DIP2A: variants seen among roughly 807,000 people sequenced by gnomAD.
The protein encoded by DIP2A is disco-interacting protein 2 homolog A.
DIP2A carries 85 observed loss-of-function variants against 177.4 expected under a neutral mutation model. The observed-to-expected ratio is 0.48, with a 90% CI of 0.40 to 0.57. The LOEUF (loss-of-function observed/expected upper bound fraction) is 0.57. DIP2A is among the 20% of genes least tolerant of loss of function. The pLI, the probability that DIP2A is intolerant of heterozygous loss-of-function variation, is 0.00. For missense variants in DIP2A, 1,791 were observed against 2,100.2 expected, an observed-to-expected ratio of 0.85 and a Z score of 2.88; for synonymous variants, 886 against 881.8, an observed-to-expected ratio of 1.00 and a Z score of -0.08.
intron 1 of DIP2A, among the ~76,000 whole-genome samples, 175 bp downstream of exon 1, chr21:46,459,397 C>T (rs2054077626): frequency 6.8e-6 from 1 of 147,680 alleles, no homozygotes; most frequent in Non-Finnish European, 1.5e-5. Flanking sequence ...GACCCCGGTT[C>T]CTCTACCCTG....
rs994304580 is a variant in DIP2A at position 46,498,527 on chromosome 21, G to A, written c.404-55G>A. 3.2e-5 allele frequency: 49 copies of A among 1,554,570 alleles called. No homozygotes were observed. Among genetic ancestry groups the A allele is most frequent in the Admixed American group, 5.3e-5 (3 of 57,118 alleles). ...AGGCTCCAGTGTGAGTGGGAACTCC[G>A]TCCTCCTCTTGACTCATCCCGATAT... is the stretch of plus-strand genomic sequence containing the variant. On this transcript the variant is annotated intron_variant, in intron 4 of 37. Coordinates refer to ENST00000417564, the MANE Select transcript of DIP2A (RefSeq NM_015151.4). The surrounding 1 kb of genome is among the most constrained non-coding windows in gnomAD (Gnocchi z 4.3).
chr21:46,467,256 G>A (rs903706377), intron 1 of DIP2A, among the ~76,000 whole-genome samples: 5 of 141,120 alleles, frequency 3.5e-5, no homozygotes, highest in African/African-American at 8.0e-5. Context: ...ATATCGCACC[G>A]CTGCACTCCA....
In DIP2A at chr21:46,568,122, C is replaced by T. The variant is rs1476432685; in HGVS notation, c.*500C>T. 6.6e-6 allele frequency: 1 copy of T among 152,624 alleles called. No individual in the cohort carries two copies. The highest frequency in any genetic ancestry group is 1.5e-5 in the Non-Finnish European group (1 of 68,368). 9.5% of individuals were successfully genotyped at this position (152,624 alleles called of 1,614,324 possible). A position where few individuals can be genotyped will look rare whatever the true frequency, so the allele number is the denominator to read the frequency against. On this transcript the variant is annotated 3_prime_UTR_variant, in exon 38 of 38. Coordinates refer to ENST00000417564, the MANE Select transcript of DIP2A (RefSeq NM_015151.4). ...CAAACCAGCTGCCTCACTTCTGTTT[C>T]ACAGGGAGGCTGATGGAAAAAGGAA... is the stretch of plus-strand genomic sequence containing the variant.
chr21:46,551,893 C>A lies in DIP2A; in HGVS notation c.3019C>A (p.Leu1007Met). ...TTPDHPLFLLLNAKGTVTSTA... is the reference protein window; with the variant it reads ...TTPDHPLFLLMNAKGTVTSTA... ...TCCTGACCACCCGCTGTTCTTGCTGCTGAACGCCAAGGTGAGGCAGTGTCA... is the reference window on the plus strand; with the variant it reads ...TCCTGACCACCCGCTGTTCTTGCTGATGAACGCCAAGGTGAGGCAGTGTCA... The change falls in exon 25 of 38, where the codon CTG becomes ATG. Residue 1007 changes from leucine (L) to methionine (M), a missense_variant. Physicochemically the swap from Leu to Met is conservative, Grantham distance 15 (BLOSUM62 2). Transcript: ENST00000417564. 6.2e-7 allele frequency: 1 copy of A among 1,605,518 alleles called. No individual in the cohort carries two copies. The highest frequency in any genetic ancestry group is 1.7e-5 in the Admixed American group (1 of 59,076).
chr21:46,549,989 G>A lies in DIP2A; in HGVS notation c.2637+104G>A, dbSNP rs527683125. ...TGGCTTGTCCCGCCCGGTCCTCCCT[G>A]GCTCCAGCTTTGTTTATCTGTATTT... is the stretch of plus-strand genomic sequence containing the variant. On this transcript the variant is annotated intron_variant, in intron 22 of 37. Coordinates refer to ENST00000417564, the MANE Select transcript of DIP2A (RefSeq NM_015151.4). 3.9e-6 allele frequency: 6 copies of A among 1,556,388 alleles called. No individual in the cohort carries two copies. In the South Asian group the frequency reaches 5.8e-5, roughly 15 times the overall value.
At chr21:46,475,635 A>G (rs964622256) in intron 1 of DIP2A, among the ~76,000 whole-genome samples, 4 of 152,400 alleles carry the variant, frequency 2.6e-5, no homozygotes, top group Non-Finnish European at 4.4e-5. Flanking sequence ...TATTTCAAAC[A>G]TACCAAAAAC....
chr21:46,574,378 A>G (rs1409884975), downstream of DIP2A, among the ~76,000 whole-genome samples: 1 of 152,164 alleles, frequency 6.6e-6, no homozygotes, highest in African/African-American at 2.4e-5. Flanking sequence ...TACATTAAAA[A>G]CCAAGAAGGA....
intron 17 of DIP2A, 77 bp downstream of exon 17, chr21:46,540,068 G>A: frequency 8.0e-7 from 1 of 1,255,880 alleles, no homozygotes; most frequent in Non-Finnish European, 1.2e-6. Flanking sequence ...CTGGAGCTGT[G>A]CCTGTGCCTG....
At chr21:46,547,565 T>C (rs2060103584) in intron 21 of DIP2A, among the ~76,000 whole-genome samples, 1 of 149,938 alleles carries the variant, frequency 6.7e-6, no homozygotes, top group African/African-American at 2.5e-5. Context: ...CTTCTTCTAC[T>C]CCCAAGCTCC....
At chr21:46,547,667 T>TTC (rs1302666637) in intron 21 of DIP2A, among the ~76,000 whole-genome samples, 1 of 145,566 alleles carries the variant, frequency 6.9e-6, no homozygotes, top group African/African-American at 2.5e-5. Context: ...TTTTTTTTTT[T>TTC]TTTTTTTTTT....
In DIP2A at chr21:46,550,882, T is replaced by G. The variant is rs146218341; in HGVS notation, c.2839+138T>G. ...GGCTGGGGTCAAGAGCCAGAGCGAG[T>G]GTGCACCCCAGAATGGTGCCACCTC... On this transcript the variant is annotated intron_variant, in intron 23 of 37. Transcript: ENST00000417564. 9 of 896,740 alleles carry G rather than the reference T, an allele frequency of 1.0e-5. No individual in the cohort carries two copies. In the Admixed American group the frequency reaches 2.1e-4, roughly 21 times the overall value. The allele number at this position is 896,740 out of a possible 1,614,324, so 55.5% of individuals were successfully genotyped here. A position where few individuals can be genotyped will look rare whatever the true frequency, so the allele number is the denominator to read the frequency against.
chr21:46,538,642 G>A (rs1441981503), intron 16 of DIP2A, 40 bp downstream of exon 16: 1 of 1,539,532 alleles, frequency 6.5e-7, no homozygotes, highest in Non-Finnish European at 8.7e-7. Flanking sequence ...CCCACACAGT[G>A]TCCCCTCCTG....
chr21:46,494,326 T>A (rs1601498606), intron 3 of DIP2A, among the ~76,000 whole-genome samples: 1 of 152,210 alleles, frequency 6.6e-6, no homozygotes, highest in Non-Finnish European at 1.5e-5. Context: ...GACATGCTTT[T>A]TAGGTCACTA....
At chr21:46,551,210 T>C (rs1290792283) in intron 23 of DIP2A, among the ~76,000 whole-genome samples, 3 of 152,248 alleles carry the variant, frequency 2.0e-5, no homozygotes, top group African/African-American at 7.2e-5. Flanking sequence ...GGTTTAACTT[T>C]AATGCAATTT....
intron 5 of DIP2A, among the ~76,000 whole-genome samples, chr21:46,503,050 C>T (rs747427450): frequency 8.6e-5 from 13 of 151,866 alleles, no homozygotes; most frequent in Non-Finnish European, 1.5e-4. Flanking sequence ...TGGCCAGGCG[C>T]GGTGGATCAC....
the DIP2A span, among the ~76,000 whole-genome samples, chr21:46,581,549 C>T: frequency 3.9e-5 from 6 of 152,166 alleles, no homozygotes; most frequent in Non-Finnish European, 7.3e-5. Flanking sequence ...GAGTTTTCAG[C>T]GTTTTTGCAT....
intron 1 of DIP2A, among the ~76,000 whole-genome samples, chr21:46,468,046 T>C (rs1396203325): frequency 6.6e-6 from 1 of 151,932 alleles, no homozygotes; most frequent in Non-Finnish European, 1.5e-5. Context: ...GACGGATCAC[T>C]TGAGGCCAGG....
In DIP2A at chr21:46,511,529, G is replaced by A. The variant is rs1403703670; in HGVS notation, c.1017G>A (p.Leu339=). The A allele has an allele frequency of 1.2e-6, 2 of 1,611,850 alleles. No individual in the cohort carries two copies. Among genetic ancestry groups the A allele is most frequent in the Non-Finnish European group, 1.7e-6 (2 of 1,179,146 alleles). The part of the protein sequence containing the change: ...VPRPPSLLAT[L]QRWGTTQPKS... ...GACCGCCGTCGCTGTTGGCCACCTT[G>A]CAGCGCTGGGGCACAACACAGCCCA... The change falls in exon 8 of 38, where the codon TTG becomes TTA. Residue 339 remains leucine (L), a synonymous_variant. Coordinates refer to ENST00000417564, the MANE Select transcript of DIP2A (RefSeq NM_015151.4).
the DIP2A span, among the ~76,000 whole-genome samples, chr21:46,577,117 G>A: frequency 1.3e-5 from 2 of 152,122 alleles, no homozygotes; most frequent in Non-Finnish European, 2.9e-5. Flanking sequence ...CTGTGCAGAG[G>A]CTCTTCAGTT....
Sources: gnomAD v4.1 joint callset for allele counts (sites outside exome capture counted in the v4.1 genomes callset) on GRCh38, gnomAD v4.1.1 for gene constraint, Gnocchi (gnomAD v3.1) non-coding constraint, MANE v1.5 for transcripts, NCBI Gene and HGNC (gene_info 2026-07-23, HGNC 2026-07-21) for gene names.